The following ARMH4 variants were observed in gnomAD, a reference collection of about 807,000 sequenced individuals.
ARMH4 encodes the protein armadillo-like helical domain-containing protein 4.
In ARMH4, 49 loss-of-function variants were observed where a neutral mutation model predicts 61.9. That is an observed-to-expected ratio of 0.79 (90% CI 0.63 to 1.00). The LOEUF is 1.00. Ranked by LOEUF, ARMH4 falls within the 50% of genes least tolerant of loss-of-function variation. The pLI is 0.00. For synonymous variants in ARMH4, 368 were observed against 341.5 expected, an observed-to-expected ratio of 1.08 and a Z score of -0.85; for missense variants, 934 against 930.0, an observed-to-expected ratio of 1.00 and a Z score of -0.06.
rs374230526 is a variant in ARMH4 at position 58,054,883 on chromosome 14, A to AAAAT, written c.2089+41840_2089+41841insATTT. Among the ~76,000 whole-genome samples the AAAAT allele has an allele frequency of 5.1e-3, 701 of 138,388 alleles. 5 individuals carry two copies. Among genetic ancestry groups the AAAAT allele is most frequent in the African/African-American group, 9.8e-3 (360 of 36,808 alleles). The allele number at this position is 138,388 out of a possible 152,430, so 90.8% of individuals were successfully genotyped here. On this transcript the variant is annotated intron_variant, in intron 5 of 7. Transcript: ENST00000267485. The stretch of plus-strand genomic sequence containing the variant: ...GGACTCTGTCTCAAAAAAAAAAAAA[A>AAAAT]AATAATAATAATAATAATAATAATA...
chr14:58,010,156 C>T (rs1246748396), intron 6 of ARMH4, among the ~76,000 whole-genome samples: 5 of 151,926 alleles, frequency 3.3e-5, no homozygotes, highest in African/African-American at 9.7e-5. Context: ...GTTTTGTACT[C>T]AAATAGTTTC....
intron 5 of ARMH4, among the ~76,000 whole-genome samples, chr14:58,079,740 G>A (rs1035908362): frequency 1.3e-5 from 2 of 152,198 alleles, no homozygotes; most frequent in African/African-American, 4.8e-5. Flanking sequence ...AAGACTGGAT[G>A]TGCCCTTCCA....
At chr14:58,048,937 G>T (rs1884029850) in intron 5 of ARMH4, among the ~76,000 whole-genome samples, 1 of 152,076 alleles carries the variant, frequency 6.6e-6, no homozygotes, top group Non-Finnish European at 1.5e-5. Flanking sequence ...ACAAATTTAA[G>T]AAAAATGAAA....
rs146185021 is a variant in ARMH4 at position 58,129,595 on chromosome 14, C to T, written c.1831+1917G>A. Among the ~76,000 whole-genome samples, 1,284 of 152,230 alleles carry T rather than the reference C, an allele frequency of 8.4e-3. 20 individuals carry two copies. Among genetic ancestry groups the T allele is most frequent in the African/African-American group, 0.029 (1,218 of 41,538 alleles). The stretch of plus-strand genomic sequence containing the variant: ...AAGCTTCAAGCTGCACTTATATTCC[C>T]GGGCAAGGTAGAAAAACATGCATTG... On this transcript the variant is annotated intron_variant, in intron 4 of 7. Transcript: ENST00000267485.
chr14:58,141,089 C>T (rs1436209788), intron 1 of ARMH4, among the ~76,000 whole-genome samples: 5 of 152,000 alleles, frequency 3.3e-5, no homozygotes, highest in Non-Finnish European at 7.4e-5. Context: ...TATAAAAATC[C>T]AGTTTATTAT....
intron 5 of ARMH4, among the ~76,000 whole-genome samples, chr14:58,030,598 C>A (rs1883194034): frequency 6.6e-6 from 1 of 152,214 alleles, no homozygotes; most frequent in Non-Finnish European, 1.5e-5. Flanking sequence ...CACTGAAACT[C>A]TATACCCATT....
intron 2 of ARMH4, among the ~76,000 whole-genome samples, chr14:58,137,402 C>T (rs573581980): frequency 4.6e-4 from 69 of 151,614 alleles, no homozygotes; most frequent in Non-Finnish European, 8.8e-4. Context: ...ATTTTTTTTT[C>T]TTTTTCTTTT....
intron 5 of ARMH4, among the ~76,000 whole-genome samples, chr14:58,042,665 G>A (rs1426531630): frequency 6.6e-6 from 1 of 152,106 alleles, no homozygotes; most frequent in Admixed American, 6.5e-5. Flanking sequence ...CCAGGAGCTG[G>A]TTTTTTGAAC....
chr14:58,087,306 T>C (rs891848003), intron 5 of ARMH4, among the ~76,000 whole-genome samples: 7 of 152,164 alleles, frequency 4.6e-5, no homozygotes, highest in Non-Finnish European at 8.8e-5. Context: ...AGTCGGGAGA[T>C]GCAGCTGGTC....
At chr14:58,077,653 A>G (rs761460808) in intron 5 of ARMH4, among the ~76,000 whole-genome samples, 2 of 152,186 alleles carry the variant, frequency 1.3e-5, no homozygotes, top group Non-Finnish European at 2.9e-5. Flanking sequence ...CTGGCTGGCA[A>G]GAACACTCTG....
intron 5 of ARMH4, among the ~76,000 whole-genome samples, chr14:58,083,212 A>T (rs187792634): frequency 5.3e-5 from 8 of 152,368 alleles, no homozygotes; most frequent in Non-Finnish European, 8.8e-5. Context: ...TCCATAAGTC[A>T]ACTTTTTTCA....
At chr14:58,119,492 A>G (rs1041026951) in intron 4 of ARMH4, among the ~76,000 whole-genome samples, 81 of 152,332 alleles carry the variant, frequency 5.3e-4, no homozygotes, top group Admixed American at 4.6e-4. Flanking sequence ...TGAAATTTCT[A>G]CCACTCACAT....
At chr14:58,114,040 T>C (rs538034853) in intron 4 of ARMH4, among the ~76,000 whole-genome samples, 1 of 152,156 alleles carries the variant, frequency 6.6e-6, no homozygotes, top group African/African-American at 2.4e-5. Flanking sequence ...TTGTCTTTTC[T>C]GCTGACTGTC....
chr14:58,003,513 A>G lies in ARMH4; in HGVS notation c.*1223T>C, dbSNP rs907610618. 6.6e-6 allele frequency: 1 copy of G among 152,224 alleles called. No individual in the cohort carries two copies. The highest frequency in any genetic ancestry group is 2.4e-5 in the African/African-American group (1 of 41,460). 9.4% of individuals were successfully genotyped at this position (152,224 alleles called of 1,614,324 possible). ...TAAATAACTTTTATTCTTCCATGGC[A>G]ATGAGCCAAGCCTTTACCCCAAAAC... On this transcript the variant is annotated 3_prime_UTR_variant, in exon 8 of 8. Coordinates refer to ENST00000267485, the MANE Select transcript of ARMH4 (RefSeq NM_001001872.4).
At chr14:58,054,538 C>T (rs1249485946) in intron 5 of ARMH4, among the ~76,000 whole-genome samples, 5 of 152,146 alleles carry the variant, frequency 3.3e-5, no homozygotes, top group Non-Finnish European at 5.9e-5. Context: ...TGCAGTAGTA[C>T]ATACAATTTG....
At chr14:58,021,724 G>C (rs549971355) in intron 5 of ARMH4, among the ~76,000 whole-genome samples, 13 of 152,216 alleles carry the variant, frequency 8.5e-5, no homozygotes, top group Non-Finnish European at 1.6e-4. Flanking sequence ...AGGGCCAGGA[G>C]AAGAGACAGG....
intron 5 of ARMH4, among the ~76,000 whole-genome samples, chr14:58,082,339 T>G (rs1346365071): frequency 2.6e-5 from 4 of 152,232 alleles, no homozygotes; most frequent in Non-Finnish European, 5.9e-5. Flanking sequence ...AATGCTCCTT[T>G]GCCCCTTTCT....
intron 5 of ARMH4, among the ~76,000 whole-genome samples, chr14:58,093,656 C>G (rs537529502): frequency 6.6e-6 from 1 of 152,260 alleles, no homozygotes; most frequent in East Asian, 1.9e-4. Context: ...ACCTCAGAGT[C>G]TTTAGTAAAC....
intron 4 of ARMH4, among the ~76,000 whole-genome samples, chr14:58,118,467 G>A (rs1304992036): frequency 7.7e-6 from 1 of 130,062 alleles, no homozygotes; most frequent in Non-Finnish European, 1.6e-5. Context: ...TGAGCCCTAG[G>A]AGAAATTCAT....
Sources: allele counts gnomAD v4.1 joint callset (sites outside exome capture counted in the v4.1 genomes callset), GRCh38; gene constraint gnomAD v4.1.1; transcripts MANE v1.5; gene names NCBI Gene and HGNC (gene_info 2026-07-23, HGNC 2026-07-21).